SIPA1L3: variants seen among roughly 807,000 people sequenced by gnomAD.
SIPA1L3 encodes the protein signal-induced proliferation-associated 1-like protein 3.
Under a neutral mutation model 150.1 loss-of-function variants are expected in SIPA1L3, and 59 were observed. The observed-to-expected ratio is 0.39, with a 90% CI of 0.32 to 0.49. The LOEUF (loss-of-function observed/expected upper bound fraction) is 0.49. Ranked by LOEUF, SIPA1L3 falls within the 20% of genes least tolerant of loss-of-function variation. SIPA1L3 has a pLI of 0.86. For missense variants in SIPA1L3, 2,211 were observed against 2,489.5 expected (o/e 0.89, Z 2.38); for synonymous variants, 1,070 against 1,077.6 (o/e 0.99, Z 0.14).
Position 38,141,425 on chromosome 19 carries a change from C to T in SIPA1L3, c.3385C>T (p.His1129Tyr), listed in dbSNP as rs943320758. 5 of 1,608,814 alleles carry T rather than the reference C, an allele frequency of 3.1e-6. No individual in the cohort carries two copies. The highest frequency in any genetic ancestry group is 1.3e-5 in the African/African-American group (1 of 74,912). ...CCCCTTCCGGGAGTCCCAGCCACTG[C>T]ACAGCAAGAGGTAAGCACCTGCTGG... ...IVPFRESQPL[H>Y]SKRPVSFPET... Residue 1129 changes from histidine (H) to tyrosine (Y), a missense_variant, in exon 11 of 22, where the codon CAC becomes TAC. Transcript: ENST00000222345.
intron 4 of SIPA1L3, among the ~76,000 whole-genome samples, chr19:38,097,096 C>A (rs1023708047): frequency 4.6e-5 from 7 of 152,182 alleles, no homozygotes; most frequent in Non-Finnish European, 7.4e-5. Flanking sequence ...CACCTGTAAT[C>A]CTGGCACTTC....
intron 2 of SIPA1L3, among the ~76,000 whole-genome samples, chr19:38,074,034 C>T (rs1156620939): frequency 2.0e-5 from 3 of 152,236 alleles, no homozygotes; most frequent in Non-Finnish European, 2.9e-5. Context: ...GCCCAGGAGG[C>T]AGTCTGGTTC....
At chr19:38,024,830 TA>T (rs1210871142) in intron 1 of SIPA1L3, among the ~76,000 whole-genome samples, 1 of 152,132 alleles carries the variant, frequency 6.6e-6, no homozygotes, top group Non-Finnish European at 1.5e-5. Flanking sequence ...CCTGTGCTGT[TA>T]GTTTGTTGTA....
chr19:38,090,477 G>A (rs1236678126), intron 4 of SIPA1L3, among the ~76,000 whole-genome samples: 1 of 152,168 alleles, frequency 6.6e-6, no homozygotes, highest in Non-Finnish European at 1.5e-5. Flanking sequence ...ACCCACCTTG[G>A]GTCCAGGGGC....
chr19:37,911,848 G>C (rs1035487915), intron 1 of SIPA1L3, among the ~76,000 whole-genome samples: 3 of 151,828 alleles, frequency 2.0e-5, no homozygotes, highest in African/African-American at 7.3e-5. Context: ...AAGTATCCTT[G>C]GTGGTGGCTC....
At chr19:38,029,382 A>G (rs898204580) in intron 2 of SIPA1L3, among the ~76,000 whole-genome samples, 3 of 152,110 alleles carry the variant, frequency 2.0e-5, no homozygotes, top group Admixed American at 2.0e-4. Flanking sequence ...ACATGCACAT[A>G]TACACACTTA....
At chr19:38,197,084 G>A (rs948625705) in intron 18 of SIPA1L3, among the ~76,000 whole-genome samples, 5 of 152,066 alleles carry the variant, frequency 3.3e-5, no homozygotes, top group East Asian at 1.9e-4. Flanking sequence ...CGCCTCGCTC[G>A]GGTCTCAGTT....
In SIPA1L3 at chr19:38,192,276, A is replaced by G; in HGVS notation, c.4562A>G (p.Asp1521Gly). The G allele has an allele frequency of 6.2e-7, 1 of 1,612,858 alleles. No homozygotes were observed. The highest frequency in any genetic ancestry group is 8.5e-7 in the Non-Finnish European group (1 of 1,179,410). Reference protein sequence around the residue: ...EDDLKKLIIMDNLGPEQERDT... With the variant: ...EDDLKKLIIMGNLGPEQERDT... ...GACCTGAAGAAACTCATCATCATGGACAACCTGGGGCCAGAGCAGGAGAGA... is the reference window on the plus strand; with the variant it reads ...GACCTGAAGAAACTCATCATCATGGGCAACCTGGGGCCAGAGCAGGAGAGA... Residue 1521 changes from aspartate to glycine, a missense_variant, in exon 17 of 22, where the codon GAC (aspartate) becomes GGC (glycine). Physicochemically the swap from Asp to Gly is moderately conservative, Grantham distance 94. This residue lies in a region of SIPA1L3 where 806 missense variants were observed against 870.1 expected (regional missense o/e 0.93). Transcript: ENST00000222345.
In SIPA1L3 at chr19:38,047,779, C is replaced by A. The variant is rs935983021; in HGVS notation, c.-311+18623C>A. On this transcript the variant is annotated intron_variant, in intron 2 of 21. Transcript: ENST00000222345. This position sits in a 1 kb window ranked among gnomAD's most constrained non-coding sequence, Gnocchi z 4.7. ...CCACGTGTCATTTTAGAGACCCCAG[C>A]GGCAGTCCAGATCCTGAAGTCCGAC... 6.6e-6 allele frequency among the ~76,000 whole-genome samples: 1 copy of A among 152,174 alleles called. No homozygotes were observed. Among genetic ancestry groups the A allele is most frequent in the Non-Finnish European group, 1.5e-5 (1 of 68,032 alleles).
intron 2 of SIPA1L3, among the ~76,000 whole-genome samples, chr19:38,072,101 A>C (rs1263094213): frequency 6.6e-6 from 1 of 152,180 alleles, no homozygotes; most frequent in Admixed American, 6.5e-5. Context: ...CTGGTGCTTG[A>C]ACTCAGGACT....
chr19:37,941,919 G>T (rs1238891493), intron 1 of SIPA1L3, among the ~76,000 whole-genome samples: 1 of 152,220 alleles, frequency 6.6e-6, no homozygotes, highest in Non-Finnish European at 1.5e-5. Flanking sequence ...AGCCACTGTT[G>T]TCTGGGTCAT....
chr19:37,930,801 C>A (rs1293551271), intron 1 of SIPA1L3, among the ~76,000 whole-genome samples: 2 of 152,100 alleles, frequency 1.3e-5, no homozygotes, highest in African/African-American at 4.8e-5. Flanking sequence ...TCGAATGCAT[C>A]AAAGCACGTG....
intron 1 of SIPA1L3, among the ~76,000 whole-genome samples, chr19:37,957,041 GAA>G (rs2046817524): frequency 6.6e-6 from 1 of 151,870 alleles, no homozygotes. Context: ...TCCATTTGTT[GAA>G]AAAAAGACCA....
chr19:38,040,314 C>A (rs1342894628), intron 2 of SIPA1L3, among the ~76,000 whole-genome samples: 1 of 151,998 alleles, frequency 6.6e-6, no homozygotes, highest in Admixed American at 6.6e-5. Flanking sequence ...TGTATGTTGT[C>A]ACTGGAAACT....
chr19:37,940,494 A>T (rs929243246), intron 1 of SIPA1L3, among the ~76,000 whole-genome samples: 1 of 152,142 alleles, frequency 6.6e-6, no homozygotes, highest in African/African-American at 2.4e-5. Context: ...AATTGCTTAC[A>T]TCATCTGGTA....
rs556442652 is a variant in SIPA1L3, at chr19:38,155,551, C to T, written c.3661+2584C>T. ...TTGTAGCCCCTTTGAAGTCTGAGAA[C>T]CAGCAGATGAATGGGCGAGATGGAT... On this transcript the variant is annotated intron_variant, in intron 13 of 21. Transcript: ENST00000222345. Among the ~76,000 whole-genome samples the T allele has an allele frequency of 1.3e-4, 20 of 152,256 alleles. No homozygotes were observed. The South Asian group carries it at 4.2e-3, about 32-fold the overall frequency.
Position 38,083,055 on chromosome 19 carries a change from T to G in SIPA1L3, c.1490T>G (p.Val497Gly). The G allele has an allele frequency of 1.2e-6, 2 of 1,612,584 alleles. No homozygotes were observed. The highest frequency in any genetic ancestry group is 1.7e-6 in the Non-Finnish European group (2 of 1,179,970). Residue 497 changes from valine (V) to glycine (G), a missense_variant, in exon 3 of 22, where the codon GTG becomes GGG. Coordinates refer to ENST00000222345, the MANE Select transcript of SIPA1L3 (RefSeq NM_015073.3). ...SRPRQYSIEH[V>G]DLGARYYQDY... Reference sequence around the variant, plus strand: ...CCCCGGCAGTACAGCATCGAGCATGTGGACCTGGGCGCCCGCTACTACCAG... The same window carrying G: ...CCCCGGCAGTACAGCATCGAGCATGGGGACCTGGGCGCCCGCTACTACCAG...
intron 2 of SIPA1L3, among the ~76,000 whole-genome samples, chr19:38,056,130 T>A (rs1969308938): frequency 6.6e-6 from 1 of 152,238 alleles, no homozygotes; most frequent in South Asian, 2.1e-4. Flanking sequence ...GAGGATTGAC[T>A]GCCTTGCTTC....
chr19:38,102,770 T>A (rs1970534616), intron 6 of SIPA1L3, among the ~76,000 whole-genome samples: 1 of 147,090 alleles, frequency 6.8e-6, no homozygotes, highest in South Asian at 2.2e-4. Flanking sequence ...AGTTTGAGAC[T>A]GCAGTGAGCT....
Sources: gnomAD v4.1 joint callset for allele counts (sites outside exome capture counted in the v4.1 genomes callset) on GRCh38, gnomAD v4.1.1 for gene constraint, gnomAD v4.1.1 regional missense constraint, Gnocchi (gnomAD v3.1) non-coding constraint, MANE v1.5 for transcripts, NCBI Gene and HGNC (gene_info 2026-07-23, HGNC 2026-07-21) for gene names.